ULK4: variants seen among roughly 807,000 people sequenced by gnomAD.
ULK4 encodes inactive serine/threonine-protein kinase ULK4.
A neutral mutation model predicts 160.6 loss-of-function variants in ULK4; 133 were observed. The observed-to-expected ratio is 0.83, with a 90% CI of 0.72 to 0.96. The LOEUF (loss-of-function observed/expected upper bound fraction) is 0.96. Ranked by LOEUF, ULK4 falls within the 40% of genes least tolerant of loss-of-function variation. ULK4 has a pLI of 0.00. For synonymous variants in ULK4, 534 were observed against 539.8 expected, an observed-to-expected ratio of 0.99 and a Z score of 0.15; for missense variants, 1,580 against 1,499.5, an observed-to-expected ratio of 1.05 and a Z score of -0.89.
chr3:41,248,755 A>C (rs1234795902), intron 36 of ULK4, among the ~76,000 whole-genome samples: 1 of 152,198 alleles, frequency 6.6e-6, no homozygotes, highest in African/African-American at 2.4e-5. Context: ...CCTTCTCCCC[A>C]GGGTGGGGAA....
chr3:41,961,339 G>A (rs79552815), intron 1 of ULK4, among the ~76,000 whole-genome samples: 2,181 of 152,216 alleles, frequency 0.014, 54 homozygotes, highest in African/African-American at 0.05. Context: ...CAAATTTACG[G>A]AATCATACAC....
At chr3:41,320,568 C>T (rs57517548) in intron 35 of ULK4, among the ~76,000 whole-genome samples, 23,319 of 151,708 alleles carry the variant, frequency 0.15, 2,143 homozygotes, top group African/African-American at 0.25. Context: ...GGACAAGAAT[C>T]CTTCTCAATT....
At chr3:41,698,065 T>C (rs551005549) in intron 27 of ULK4, among the ~76,000 whole-genome samples, 1 of 152,292 alleles carries the variant, frequency 6.6e-6, no homozygotes. Flanking sequence ...GCTGTACAGG[T>C]TTGTAGCCTA....
chr3:41,581,966 C>G (rs1330256054), intron 31 of ULK4, among the ~76,000 whole-genome samples: 4 of 152,182 alleles, frequency 2.6e-5, no homozygotes, highest in Non-Finnish European at 5.9e-5. Flanking sequence ...AGGCTTATTA[C>G]TGTGAGCACC....
chr3:41,268,942 C>G (rs535887423), intron 35 of ULK4, among the ~76,000 whole-genome samples: 11 of 152,056 alleles, frequency 7.2e-5, no homozygotes, highest in Non-Finnish European at 1.5e-4. Context: ...AGATGCAGCT[C>G]GCGAAGGCCC....
intron 25 of ULK4, among the ~76,000 whole-genome samples, chr3:41,708,101 T>C (rs1387798381): frequency 1.3e-5 from 2 of 151,662 alleles, no homozygotes; most frequent in African/African-American, 4.9e-5. Context: ...AAAAATACTA[T>C]GAAAATTCTT....
intron 32 of ULK4, among the ~76,000 whole-genome samples, chr3:41,472,293 G>A (rs758198318): frequency 1.3e-5 from 2 of 152,062 alleles, no homozygotes; most frequent in Non-Finnish European, 2.9e-5. Flanking sequence ...TCTGGGCTGG[G>A]CATGGTGGCT....
At chr3:41,363,478 A>G (rs748000691) in intron 35 of ULK4, among the ~76,000 whole-genome samples, 9 of 152,176 alleles carry the variant, frequency 5.9e-5, no homozygotes, top group Non-Finnish European at 1.0e-4. Flanking sequence ...TGTGGCTCCA[A>G]TAAAGCTGAC....
intron 32 of ULK4, among the ~76,000 whole-genome samples, chr3:41,526,080 A>G (rs1490526832): frequency 6.6e-6 from 1 of 151,956 alleles, no homozygotes; most frequent in African/African-American, 2.4e-5. Context: ...TTTGCTCCTT[A>G]TCTCCTTCTC....
chr3:41,659,613 C>G (rs2035073080), intron 30 of ULK4, among the ~76,000 whole-genome samples: 1 of 151,468 alleles, frequency 6.6e-6, no homozygotes, highest in East Asian at 1.9e-4. Context: ...TAAGCATCCT[C>G]AGATATGTCC....
At chr3:41,926,713 CAATAGCCA>C (rs1699400888) in intron 5 of ULK4, among the ~76,000 whole-genome samples, 2 of 152,012 alleles carry the variant, frequency 1.3e-5, no homozygotes, top group African/African-American at 2.4e-5. Flanking sequence ...ACACAAGTAT[CAATAGCCA>C]AATAGATCAA....
intron 5 of ULK4, among the ~76,000 whole-genome samples, chr3:41,923,090 C>T (rs185345148): frequency 6.6e-6 from 1 of 151,794 alleles, no homozygotes; most frequent in African/African-American, 2.4e-5. Flanking sequence ...ATTGTTTGAA[C>T]CTGGGAGGCA....
intron 30 of ULK4, among the ~76,000 whole-genome samples, chr3:41,626,625 C>T (rs1426471807): frequency 6.6e-6 from 1 of 151,176 alleles, no homozygotes; most frequent in South Asian, 2.1e-4. Flanking sequence ...CCCAGGTTCA[C>T]GCCATTCTCC....
chr3:41,506,643 A>G (rs1245699207), intron 32 of ULK4, among the ~76,000 whole-genome samples: 1 of 150,584 alleles, frequency 6.6e-6, no homozygotes, highest in African/African-American at 2.4e-5. Flanking sequence ...TCTGCTCTCT[A>G]TTCCTGACTT....
At chr3:41,908,691 G>T (rs1240467332) in intron 11 of ULK4, among the ~76,000 whole-genome samples, 1 of 151,906 alleles carries the variant, frequency 6.6e-6, no homozygotes, top group African/African-American at 2.4e-5. Flanking sequence ...TGATCCACCC[G>T]CCTCAGCCAC....
chr3:41,827,002 A>G (rs1188845242), intron 18 of ULK4, among the ~76,000 whole-genome samples: 1 of 150,898 alleles, frequency 6.6e-6, no homozygotes, highest in African/African-American at 2.5e-5. Flanking sequence ...AGGATTAAGA[A>G]ACTCACTGAA....
chr3:41,284,418 T>C (rs2371490), intron 35 of ULK4, among the ~76,000 whole-genome samples: 37,818 of 151,844 alleles, frequency 0.25, 6,970 homozygotes, highest in African/African-American at 0.52. Flanking sequence ...TGGAACAGAA[T>C]AGAAAACCCA....
intron 31 of ULK4, among the ~76,000 whole-genome samples, chr3:41,601,736 A>G (rs2032075062): frequency 6.6e-6 from 1 of 152,206 alleles, no homozygotes; most frequent in South Asian, 2.1e-4. Context: ...ATTAAGAGAC[A>G]TTCTTCATAA....
At chr3:41,545,439 C>T (rs2086827894) in intron 32 of ULK4, among the ~76,000 whole-genome samples, 1 of 152,156 alleles carries the variant, frequency 6.6e-6, no homozygotes, top group Non-Finnish European at 1.5e-5. Context: ...TCTTTCGGCA[C>T]TTTAAAGATG....
Sources: allele counts gnomAD v4.1 joint callset (sites outside exome capture counted in the v4.1 genomes callset), GRCh38; gene constraint gnomAD v4.1.1; transcripts MANE v1.5; gene names NCBI Gene and HGNC (gene_info 2026-07-23, HGNC 2026-07-21).